EXT1: variants seen among roughly 807,000 people sequenced by gnomAD.
EXT1 encodes exostosin glycosyltransferase 1.
Under a neutral mutation model 82.5 loss-of-function variants are expected in EXT1, and 20 were observed. The ratio of observed to expected loss-of-function variants is 0.24; its 90% CI spans 0.17 to 0.35. The LOEUF (loss-of-function observed/expected upper bound fraction) is 0.35. Ranked by LOEUF, EXT1 falls within the 10% of genes least tolerant of loss-of-function variation. EXT1 has a pLI of 1.00. For missense variants in EXT1, 757 were observed against 936.5 expected, an observed-to-expected ratio of 0.81 and a Z score of 2.50; for synonymous variants, 348 against 350.8, an observed-to-expected ratio of 0.99 and a Z score of 0.09.
intron 1 of EXT1, among the ~76,000 whole-genome samples, chr8:117,929,497 A>C (rs1586290895): frequency 6.6e-6 from 1 of 152,370 alleles, no homozygotes; most frequent in East Asian, 1.9e-4. Flanking sequence ...CAGTTATTAG[A>C]CATGGAGTAG....
intron 1 of EXT1, among the ~76,000 whole-genome samples, chr8:117,895,063 G>A (rs1369369844): frequency 6.6e-6 from 1 of 152,150 alleles, no homozygotes; most frequent in East Asian, 1.9e-4. Flanking sequence ...TCTGATGGGT[G>A]AACTAATAAT....
chr8:117,987,813 T>G (rs764852023), intron 1 of EXT1, among the ~76,000 whole-genome samples: 1 of 152,134 alleles, frequency 6.6e-6, no homozygotes, highest in Admixed American at 6.5e-5. Context: ...GTTGGTCAGG[T>G]GCTGTGGCTC....
chr8:117,921,092 C>T (rs1813846568), intron 1 of EXT1, among the ~76,000 whole-genome samples: 1 of 152,188 alleles, frequency 6.6e-6, no homozygotes, highest in Non-Finnish European at 1.5e-5. Context: ...TTCAAAAATG[C>T]ATTACAGCTT....
At chr8:117,887,130 A>C (rs12549700) in intron 1 of EXT1, among the ~76,000 whole-genome samples, 18,706 of 152,100 alleles carry the variant, frequency 0.12, 1,201 homozygotes, top group South Asian at 0.18. Context: ...TTTGTCTTTT[A>C]TTTGTAATAT....
At chr8:118,070,053 A>G (rs1483168373) in intron 1 of EXT1, among the ~76,000 whole-genome samples, 1 of 152,220 alleles carries the variant, frequency 6.6e-6, no homozygotes, top group African/African-American at 2.4e-5. Context: ...AGATCTGATT[A>G]TGTCCAAGTT....
At chr8:117,901,622 T>A (rs1325239474) in intron 1 of EXT1, among the ~76,000 whole-genome samples, 2 of 152,384 alleles carry the variant, frequency 1.3e-5, no homozygotes, top group Admixed American at 1.3e-4. Context: ...TTTAACTTTT[T>A]GACTCTTTTG....
At chr8:117,812,290 G>A (rs1823338810) in intron 8 of EXT1, among the ~76,000 whole-genome samples, 1 of 151,990 alleles carries the variant, frequency 6.6e-6, no homozygotes, top group Admixed American at 6.6e-5. Flanking sequence ...TCTCCTCCAC[G>A]CGCATTCTTT....
At chr8:118,048,458 T>A (rs1816657381) in intron 1 of EXT1, among the ~76,000 whole-genome samples, 2 of 152,230 alleles carry the variant, frequency 1.3e-5, no homozygotes, top group Non-Finnish European at 2.9e-5. Flanking sequence ...TATTTGTTGT[T>A]GTTGTTAATT....
chr8:117,885,005 G>A (rs1468287833), intron 1 of EXT1, among the ~76,000 whole-genome samples: 3 of 152,070 alleles, frequency 2.0e-5, no homozygotes, highest in African/African-American at 2.4e-5. Context: ...ATTTTTTCCC[G>A]TGAGTGCAGC....
At chr8:117,901,472 C>T (rs1036203653) in intron 1 of EXT1, among the ~76,000 whole-genome samples, 1 of 152,022 alleles carries the variant, frequency 6.6e-6, no homozygotes, top group Non-Finnish European at 1.5e-5. Context: ...GCTGAGTAAA[C>T]GCAAAGGCCT....
chr8:117,908,982 A>C (rs1813593232), intron 1 of EXT1, among the ~76,000 whole-genome samples: 2 of 151,834 alleles, frequency 1.3e-5, no homozygotes, highest in Non-Finnish European at 1.5e-5. Flanking sequence ...AAATACAAAA[A>C]TTAGCTGGGC....
intron 4 of EXT1, among the ~76,000 whole-genome samples, chr8:117,825,464 C>T (rs1488554579): frequency 1.3e-5 from 2 of 152,108 alleles, no homozygotes; most frequent in African/African-American, 4.8e-5. Flanking sequence ...TAAACAAAAT[C>T]AATACACACA....
At chr8:117,806,602 C>T (rs534870198) in intron 9 of EXT1, among the ~76,000 whole-genome samples, 8 of 152,240 alleles carry the variant, frequency 5.3e-5, no homozygotes, top group African/African-American at 1.7e-4. Context: ...CATTTATTCT[C>T]GCTGTTCTCC....
chr8:117,829,621 T>G (rs1307213100), intron 4 of EXT1, among the ~76,000 whole-genome samples: 1 of 140,246 alleles, frequency 7.1e-6, no homozygotes, highest in Non-Finnish European at 1.5e-5. Flanking sequence ...TTGCCCAGGC[T>G]GGAGTATAAT....
chr8:117,910,542 TG>T (rs770626040), intron 1 of EXT1, among the ~76,000 whole-genome samples: 4 of 152,042 alleles, frequency 2.6e-5, no homozygotes, highest in Non-Finnish European at 4.4e-5. Flanking sequence ...ACAGATACAC[TG>T]AATTACTGCG....
At chr8:117,816,991 TG>T (rs34190383) in intron 7 of EXT1, among the ~76,000 whole-genome samples, 5 of 151,970 alleles carry the variant, frequency 3.3e-5, no homozygotes, top group Non-Finnish European at 2.9e-5. Context: ...GGCTATTCTA[TG>T]GGGGGGATGG....
intron 1 of EXT1, among the ~76,000 whole-genome samples, chr8:117,846,236 T>C (rs1383246208): frequency 6.6e-6 from 1 of 152,128 alleles, no homozygotes; most frequent in Non-Finnish European, 1.5e-5. Context: ...GACTCCCAAG[T>C]AGGTGGGACT....
Position 118,111,395 on chromosome 8 carries a change from T to A in EXT1, c.-349A>T. On this transcript the variant is annotated 5_prime_UTR_variant, in exon 1 of 11. Transcript: ENST00000378204. The stretch of plus-strand genomic sequence containing the variant: ...GAGGGGAGAAAAAAAAAGCTCCCGA[T>A]ACCCAATCAATGGCAAGACGAAGTG... 1.8e-6 allele frequency: 1 copy of A among 561,794 alleles called. No individual in the cohort carries two copies. Among genetic ancestry groups the A allele is most frequent in the Non-Finnish European group, 3.1e-6 (1 of 318,454 alleles). 34.8% of individuals were successfully genotyped at this position (561,794 alleles called of 1,614,324 possible).
At chr8:117,902,013 A>AC (rs1813459558) in intron 1 of EXT1, among the ~76,000 whole-genome samples, 1 of 141,178 alleles carries the variant, frequency 7.1e-6, no homozygotes, top group Admixed American at 7.1e-5. Context: ...ACTTTTTTCT[A>AC]TTTTTTTTTT....
Sources: gnomAD v4.1 joint callset for allele counts (sites outside exome capture counted in the v4.1 genomes callset) on GRCh38, gnomAD v4.1.1 for gene constraint, MANE v1.5 for transcripts, NCBI Gene and HGNC (gene_info 2026-07-23, HGNC 2026-07-21) for gene names.